FBN1: variants seen among roughly 807,000 people sequenced by gnomAD.
FBN1 encodes fibrillin 1.
FBN1 carries 29 observed loss-of-function variants against 365.1 expected under a neutral mutation model. That is an observed-to-expected ratio of 0.08 (90% CI 0.06 to 0.11). FBN1 has a LOEUF of 0.11. Among genes scored for constraint, FBN1 ranks in the 10% least tolerant of loss-of-function variants. The pLI is 1.00. For synonymous variants in FBN1, 1,210 were observed against 1,270.5 expected, an observed-to-expected ratio of 0.95 and a Z score of 1.01; for missense variants, 2,476 against 3,703.2, an observed-to-expected ratio of 0.67 and a Z score of 8.60.
intron 8 of FBN1, among the ~76,000 whole-genome samples, chr15:48,528,766 AAT>A (rs1263042534): frequency 6.6e-6 from 1 of 152,108 alleles, no homozygotes; most frequent in Non-Finnish European, 1.5e-5. Flanking sequence ...AACGACTTCA[AAT>A]TCCCCTTAAT....
At chr15:48,492,337 G>C (rs2043567042) in intron 24 of FBN1, 124 bp downstream of exon 24, 1 of 910,772 alleles carries the variant, frequency 1.1e-6, no homozygotes. Context: ...GACCCTATCG[G>C]ACATGCTGAA....
chr15:48,470,229 AG>A (rs1197733263), intron 36 of FBN1, among the ~76,000 whole-genome samples: 1 of 152,128 alleles, frequency 6.6e-6, no homozygotes, highest in Non-Finnish European at 1.5e-5. Flanking sequence ...CGAGCAGGGC[AG>A]GGGTAGGAAG....
In FBN1 at chr15:48,434,589, T is replaced by C. The variant is rs1381778697; in HGVS notation, c.6616+5A>G. ...AATCAACTGTTCTCTGTTTAAGAGA[T>C]GTACCTTCACATGTCATCATTGGAC... On this transcript the variant is annotated splice_donor_5th_base_variant and intron_variant, in intron 54 of 65. Transcript: ENST00000316623. 9 of 1,613,538 alleles carry C rather than the reference T, an allele frequency of 5.6e-6. No individual in the cohort carries two copies. The highest frequency in any genetic ancestry group is 1.7e-5 in the Admixed American group (1 of 59,960).
intron 48 of FBN1, 110 bp from the exon 49 acceptor site, chr15:48,444,770 T>A: frequency 1.7e-6 from 2 of 1,200,302 alleles, no homozygotes; most frequent in Non-Finnish European, 1.2e-6. Context: ...TAAAGCAAAT[T>A]AAAGTTCATA....
At chr15:48,605,957 T>TAAGCACATAA in intron 4 of FBN1, among the ~76,000 whole-genome samples, 1 of 152,120 alleles carries the variant, frequency 6.6e-6, no homozygotes. Flanking sequence ...CAGGTGGCAA[T>TAAGCACATAA]AAGCACATAA....
chr15:48,644,671 G>A lies in FBN1; in HGVS notation c.99C>T (p.Asn33=). ...HGADANLEAG[N]VKETRASRAK... is the part of the protein sequence containing the mutation. ...CCCGACTGGCTCTGGTTTCCTTCACGTTCCCAGCCTCCAAATTGGCGTCCG... is the reference window on the plus strand; with the variant it reads ...CCCGACTGGCTCTGGTTTCCTTCACATTCCCAGCCTCCAAATTGGCGTCCG... The change falls in exon 2 of 66, where the codon AAC becomes AAT. Residue 33 remains asparagine, a synonymous_variant. Coordinates refer to ENST00000316623, the MANE Select transcript of FBN1 (RefSeq NM_000138.5). The A allele has an allele frequency of 6.2e-7, 1 of 1,613,656 alleles. No homozygotes were observed. Among genetic ancestry groups the A allele is most frequent in the Non-Finnish European group, 8.5e-7 (1 of 1,179,994 alleles).
At chr15:48,585,148 G>C (rs534196498) in intron 6 of FBN1, among the ~76,000 whole-genome samples, 81 of 152,256 alleles carry the variant, frequency 5.3e-4, no homozygotes, top group African/African-American at 1.8e-3. Flanking sequence ...ATCCTGTAAG[G>C]CTTCTCTTTC....
intron 2 of FBN1, chr15:48,640,898 T>C (rs1890185994): frequency 6.6e-6 from 1 of 152,184 alleles, no homozygotes; most frequent in Non-Finnish European, 1.5e-5. Flanking sequence ...CAGTTGAGTT[T>C]TTTTTTTTTG....
chr15:48,447,565 C>T (rs1054956935), intron 46 of FBN1, among the ~76,000 whole-genome samples: 2 of 151,924 alleles, frequency 1.3e-5, no homozygotes, highest in Non-Finnish European at 2.9e-5. Context: ...AGAGTAGATG[C>T]ACATTATATT....
rs142058321 is a variant in FBN1, at chr15:48,487,334, G to A, written c.3441C>T (p.Ser1147=). 1.2e-6 allele frequency: 2 copies of A among 1,614,120 alleles called. No individual in the cohort carries two copies. The highest frequency in any genetic ancestry group is 2.7e-5 in the African/African-American group (2 of 74,930). ...TACCGATACACGCGGAGATGTTGGG[G>A]GACAGCTGATGGCCAGGCGGGCATT... ...RCECPPGHQL[S]PNISACIDIN... The change falls in exon 28 of 66, where the codon TCC becomes TCT. Residue 1147 remains serine (S), a synonymous_variant. Coordinates refer to ENST00000316623, the MANE Select transcript of FBN1 (RefSeq NM_000138.5).
intron 6 of FBN1, among the ~76,000 whole-genome samples, chr15:48,582,854 C>G (rs1280731148): frequency 6.6e-6 from 1 of 152,150 alleles, no homozygotes; most frequent in Non-Finnish European, 1.5e-5. Flanking sequence ...GCAAAAGACT[C>G]AAGATCCCTC....
intron 32 of FBN1, among the ~76,000 whole-genome samples, chr15:48,477,984 C>CG (rs1338100059): frequency 6.6e-6 from 1 of 152,122 alleles, no homozygotes; most frequent in African/African-American, 2.4e-5. Context: ...GGCTTGTGCC[C>CG]GGGGCTGCTG....
At chr15:48,426,720 C>G (rs187807296) in intron 58 of FBN1, among the ~76,000 whole-genome samples, 8 of 152,304 alleles carry the variant, frequency 5.3e-5, no homozygotes, top group Admixed American at 4.6e-4. Context: ...CAATTTAGCA[C>G]ACTCTTATTG....
intron 40 of FBN1, among the ~76,000 whole-genome samples, chr15:48,465,205 A>T (rs1486239973): frequency 1.5e-4 from 23 of 152,234 alleles, no homozygotes; most frequent in Non-Finnish European, 2.9e-5. Flanking sequence ...TTAAAAGAAG[A>T]GGGCCCAGAA....
intron 8 of FBN1, among the ~76,000 whole-genome samples, chr15:48,528,238 G>A (rs193069352): frequency 6.6e-6 from 1 of 152,316 alleles, no homozygotes; most frequent in African/African-American, 2.4e-5. Flanking sequence ...TTAAATGACA[G>A]CCCATGTCAG....
rs762659907 is a variant in FBN1, at chr15:48,437,378, C to A, written c.6323G>T (p.Arg2108Leu). The change falls in exon 52 of 66, where the codon CGC (arginine) becomes CTC (leucine). Residue 2108 changes from arginine (R) to leucine (L), a missense_variant. Arg to Leu is a moderately radical substitution (Grantham distance 102). This residue lies in a region of FBN1 where 1,780 missense variants were observed against 2,840.8 expected (regional missense o/e 0.63). Transcript: ENST00000316623. ...LCPTEPDEAFRQICPYGSGII... is the reference protein window; with the variant it reads ...LCPTEPDEAFLQICPYGSGII... ...CCCACTTCCATAAGGACATATCTGG[C>A]GGAAGGCCTCTGTGGTGGAGACACT... 6.2e-7 allele frequency: 1 copy of A among 1,612,996 alleles called. No homozygotes were observed. The highest frequency in any genetic ancestry group is 8.5e-7 in the Non-Finnish European group (1 of 1,179,208).
intron 45 of FBN1, 115 bp downstream of exon 45, chr15:48,452,446 TA>T: frequency 7.9e-7 from 1 of 1,270,730 alleles, no homozygotes; most frequent in Non-Finnish European, 1.1e-6. Flanking sequence ...TTCATCAATC[TA>T]AATCTTAACT....
chr15:48,533,075 G>C (rs2043986523), intron 8 of FBN1, among the ~76,000 whole-genome samples: 1 of 152,128 alleles, frequency 6.6e-6, no homozygotes, highest in African/African-American at 2.4e-5. Context: ...GCTGTCTTTT[G>C]CTCATCTGAT....
At chr15:48,644,994 G>A (rs1890270708) in intron 1 of FBN1, 44 bp from the exon 2 acceptor site, 3 of 349,916 alleles carry the variant, frequency 8.6e-6, no homozygotes, top group African/African-American at 2.2e-5. Context: ...GACTTTCAGG[G>A]CATCGGGATG....
Sources: allele counts gnomAD v4.1 joint callset (sites outside exome capture counted in the v4.1 genomes callset), GRCh38; gene constraint gnomAD v4.1.1; regional missense constraint gnomAD v4.1.1; transcripts MANE v1.5; gene names NCBI Gene and HGNC (gene_info 2026-07-23, HGNC 2026-07-21).